Variants in ST3GAL3 observed in about 807,000 individuals in gnomAD.
ST3GAL3 encodes CMP-N-acetylneuraminate-beta-1,4-galactoside alpha-2,3-sialyltransferase.
ST3GAL3 carries 21 observed loss-of-function variants against 50.1 expected under a neutral mutation model. That is an observed-to-expected ratio of 0.42 (90% confidence interval 0.30 to 0.60). ST3GAL3 has a LOEUF of 0.60. Among genes scored for constraint, ST3GAL3 ranks in the 20% least tolerant of loss-of-function variants. The probability of loss-of-function intolerance (pLI) is 0.19; values close to 1 mark genes in which losing one functional copy is unlikely to be tolerated. For missense variants in ST3GAL3, 353 were observed against 489.4 expected, an observed-to-expected ratio of 0.72 and a Z score of 2.63; for synonymous variants, 183 against 190.0, an observed-to-expected ratio of 0.96 and a Z score of 0.30.
intron 1 of ST3GAL3, among the ~76,000 whole-genome samples, chr1:43,719,670 A>T (rs1433514527): frequency 6.9e-6 from 1 of 145,670 alleles, no homozygotes; most frequent in Non-Finnish European, 1.5e-5. Context: ...GTCTCAAAAA[A>T]AAAAGAATAA....
In ST3GAL3 at chr1:43,779,981, C is replaced by T. The variant is rs78379690; in HGVS notation, c.119-12121C>T. 5.9e-5 allele frequency among the ~76,000 whole-genome samples: 9 copies of T among 152,266 alleles called. No individual in the cohort carries two copies. The East Asian group carries it at 1.7e-3, about 29-fold the overall frequency. On this transcript the variant is annotated intron_variant, in intron 2 of 11. Coordinates refer to ENST00000347631, the MANE Select transcript of ST3GAL3 (RefSeq NM_006279.5). ...TGACATGCTCTCTTTGGATGGTTTG[C>T]TCTCTGTGTAGCTGCACATCTGTGG... is the stretch of plus-strand genomic sequence containing the variant.
chr1:43,779,490 A>G (rs573955813), intron 2 of ST3GAL3, among the ~76,000 whole-genome samples: 120 of 152,332 alleles, frequency 7.9e-4, no homozygotes, highest in Non-Finnish European at 1.0e-3. Flanking sequence ...TCCAAGAGGC[A>G]TTCATTTTTA....
intron 1 of ST3GAL3, among the ~76,000 whole-genome samples, chr1:43,733,134 A>G (rs893925608): frequency 6.6e-5 from 10 of 152,148 alleles, no homozygotes; most frequent in Admixed American, 2.6e-4. Context: ...AGCTGGGACT[A>G]TAGGCACATG....
chr1:43,847,839 A>T (rs961064165), intron 5 of ST3GAL3, among the ~76,000 whole-genome samples: 11 of 152,106 alleles, frequency 7.2e-5, no homozygotes, highest in African/African-American at 2.7e-4. Flanking sequence ...GAGAGGGAAA[A>T]TTCTTTTATA....
chr1:43,836,037 A>G (rs1176933687), intron 4 of ST3GAL3, among the ~76,000 whole-genome samples: 1 of 152,186 alleles, frequency 6.6e-6, no homozygotes, highest in Non-Finnish European at 1.5e-5. Flanking sequence ...GTTCTAATCC[A>G]GTGTCTACCA....
intron 3 of ST3GAL3, among the ~76,000 whole-genome samples, chr1:43,799,045 A>AG (rs1453136233): frequency 6.6e-6 from 1 of 152,192 alleles, no homozygotes; most frequent in East Asian, 1.9e-4. Context: ...GATATTGTTG[A>AG]GTGAACAAAA....
chr1:43,850,682 T>G, intron 5 of ST3GAL3: 1 of 726,918 alleles, frequency 1.4e-6, no homozygotes, highest in Middle Eastern at 2.7e-4. Flanking sequence ...GGATCAAATG[T>G]TTATCAGAAC....
At chr1:43,781,053 C>T (rs575998013) in intron 2 of ST3GAL3, among the ~76,000 whole-genome samples, 4 of 152,272 alleles carry the variant, frequency 2.6e-5, no homozygotes, top group East Asian at 1.9e-4. Flanking sequence ...ATGTATTTCA[C>T]GTTCAGTTCA....
intron 11 of ST3GAL3, among the ~76,000 whole-genome samples, chr1:43,928,630 C>T (rs1023224952): frequency 4.0e-5 from 6 of 149,116 alleles, no homozygotes; most frequent in East Asian, 2.0e-4. Flanking sequence ...TATGGTGGTC[C>T]GGGCACGGTG....
At chr1:43,810,188 G>A (rs551633361) in intron 3 of ST3GAL3, among the ~76,000 whole-genome samples, 67 of 152,158 alleles carry the variant, frequency 4.4e-4, no homozygotes, top group Non-Finnish European at 7.9e-4. Context: ...TTTTTTAAAT[G>A]TGATTAAAAC....
In ST3GAL3 at chr1:43,777,707, C is replaced by T. The variant is rs557346717; in HGVS notation, c.119-14395C>T. On this transcript the variant is annotated intron_variant, in intron 2 of 11. Coordinates refer to ENST00000347631, the MANE Select transcript of ST3GAL3 (RefSeq NM_006279.5). The stretch of plus-strand genomic sequence containing the variant: ...AGGACATAGGCACAGGAAAAGATTT[C>T]GGGATGAAAATGCCAAAAGCAATTG... Among the ~76,000 whole-genome samples, 8 of 152,218 alleles carry T rather than the reference C, an allele frequency of 5.3e-5. No homozygotes were observed. In the East Asian group the frequency reaches 1.5e-3, roughly 29 times the overall value.
At chr1:43,851,192 T>C in intron 5 of ST3GAL3, 1 of 1,437,978 alleles carries the variant, frequency 7.0e-7, no homozygotes, top group Non-Finnish European at 9.8e-7. Flanking sequence ...CAGCTGGTCA[T>C]AGTTGATGTA....
chr1:43,756,734 T>A (rs1336575344), intron 2 of ST3GAL3, among the ~76,000 whole-genome samples: 1 of 152,108 alleles, frequency 6.6e-6, no homozygotes, highest in Non-Finnish European at 1.5e-5. Flanking sequence ...CCATGATGGT[T>A]AGAAGGATGG....
At chr1:43,926,164 T>A (rs938496021) in intron 11 of ST3GAL3, among the ~76,000 whole-genome samples, 3 of 151,998 alleles carry the variant, frequency 2.0e-5, no homozygotes, top group Non-Finnish European at 4.4e-5. Context: ...GATCTGTGAG[T>A]TGTTAGCACA....
intron 1 of ST3GAL3, among the ~76,000 whole-genome samples, chr1:43,708,570 A>G (rs1450474625): frequency 6.6e-6 from 1 of 152,238 alleles, no homozygotes; most frequent in Non-Finnish European, 1.5e-5. Context: ...ATTATCTTGT[A>G]GAGATGATCA....
At chr1:43,764,030 T>C (rs186056954) in intron 2 of ST3GAL3, among the ~76,000 whole-genome samples, 1 of 152,320 alleles carries the variant, frequency 6.6e-6, no homozygotes, top group Admixed American at 6.5e-5. Flanking sequence ...AATGAGATAG[T>C]GTGTGTAGAG....
At position 43,777,455 on chromosome 1, in the gene ST3GAL3, G is replaced by C. The variant is rs144490815; in HGVS notation, c.119-14647G>C. On this transcript the variant is annotated intron_variant, in intron 2 of 11. Transcript: ENST00000347631. ...ACATAGACCAATGGAACACAATAAA[G>C]AACTCAGAAATAAGACCACACACCT... 2.6e-3 allele frequency among the ~76,000 whole-genome samples: 398 copies of C among 152,214 alleles called. 2 individuals are homozygous for C. Among genetic ancestry groups the C allele is most frequent in the African/African-American group, 9.3e-3 (386 of 41,508 alleles).
At chr1:43,733,978 C>T (rs375161950) in intron 1 of ST3GAL3, among the ~76,000 whole-genome samples, 25 of 152,180 alleles carry the variant, frequency 1.6e-4, no homozygotes, top group Admixed American at 1.2e-3. Flanking sequence ...GGTGTGGTGG[C>T]GCGTGCCTGT....
intron 5 of ST3GAL3, among the ~76,000 whole-genome samples, chr1:43,867,874 A>T (rs1468936809): frequency 6.6e-6 from 1 of 152,170 alleles, no homozygotes; most frequent in Non-Finnish European, 1.5e-5. Flanking sequence ...GATGAAGGAG[A>T]ATAGGAAAAA....
Sources: allele counts gnomAD v4.1 joint callset (sites outside exome capture counted in the v4.1 genomes callset), GRCh38; gene constraint gnomAD v4.1.1; transcripts MANE v1.5; gene names NCBI Gene and HGNC (gene_info 2026-07-23, HGNC 2026-07-21).